KDM4C: variants seen among roughly 807,000 people sequenced by gnomAD.
KDM4C encodes the protein lysine-specific demethylase 4C.
In KDM4C, 81 loss-of-function variants were observed where a neutral mutation model predicts 129.3. The observed-to-expected ratio is 0.63, with a 90% confidence interval of 0.52 to 0.75. The LOEUF (loss-of-function observed/expected upper bound fraction) is 0.75. KDM4C is among the 30% of genes least tolerant of loss of function. KDM4C has a pLI of 0.00. For missense variants in KDM4C, 1,457 were observed against 1,304.0 expected (o/e 1.12, Z -1.81); for synonymous variants, 573 against 456.1 (o/e 1.26, Z -3.26).
intron 1 of KDM4C, among the ~76,000 whole-genome samples, chr9:6,782,800 T>TTTA (rs1824652382): frequency 6.6e-6 from 1 of 152,146 alleles, no homozygotes; most frequent in Non-Finnish European, 1.5e-5. Flanking sequence ...TTGCTTTATG[T>TTTA]TTATATAGAT....
intron 5 of KDM4C, among the ~76,000 whole-genome samples, chr9:6,852,469 A>C (rs1315155968): frequency 6.6e-6 from 1 of 152,170 alleles, no homozygotes; most frequent in African/African-American, 2.4e-5. Flanking sequence ...ACTCATGATC[A>C]GAGTCACAGG....
At chr9:7,116,944 C>T (rs938179541) in intron 18 of KDM4C, among the ~76,000 whole-genome samples, 16 of 152,120 alleles carry the variant, frequency 1.1e-4, no homozygotes, top group Non-Finnish European at 1.5e-4. Context: ...ATAAGAGTTA[C>T]AAAAGTATAA....
chr9:6,757,890 C>T (rs1818528488), upstream of KDM4C: 1 of 985,496 alleles, frequency 1.0e-6, no homozygotes, highest in Non-Finnish European at 1.2e-6. Context: ...TGCCGGGCAC[C>T]TTTAAGCTGT....
upstream of KDM4C, among the ~76,000 whole-genome samples, chr9:6,753,011 C>T (rs1818125681): frequency 6.6e-6 from 1 of 152,268 alleles, no homozygotes; most frequent in Non-Finnish European, 1.5e-5. Flanking sequence ...CAGGGGACCA[C>T]TGAGGAGTCA....
At chr9:6,844,330 T>A (rs1837480719) in intron 4 of KDM4C, among the ~76,000 whole-genome samples, 1 of 152,230 alleles carries the variant, frequency 6.6e-6, no homozygotes, top group Non-Finnish European at 1.5e-5. Context: ...ATTTTGACAA[T>A]AAATGTGACC....
intron 19 of KDM4C, among the ~76,000 whole-genome samples, chr9:7,130,183 G>A (rs899896675): frequency 2.0e-5 from 3 of 152,144 alleles, no homozygotes; most frequent in East Asian, 1.9e-4. Context: ...AAGACCTTTT[G>A]GTGAGGAACA....
intron 8 of KDM4C, among the ~76,000 whole-genome samples, chr9:6,919,568 T>G (rs557107361): frequency 6.6e-6 from 1 of 151,300 alleles, no homozygotes; most frequent in East Asian, 1.9e-4. Context: ...TCTATCTATC[T>G]ATCTATCTAT....
intron 4 of KDM4C, among the ~76,000 whole-genome samples, chr9:6,839,154 A>T (rs1489841975): frequency 6.6e-6 from 1 of 152,214 alleles, no homozygotes; most frequent in Non-Finnish European, 1.5e-5. Context: ...CTTTAAAGAC[A>T]AAGTCTTCTA....
chr9:6,797,281 C>T (rs892234105), intron 2 of KDM4C, among the ~76,000 whole-genome samples: 3 of 152,128 alleles, frequency 2.0e-5, no homozygotes, highest in African/African-American at 4.8e-5. Flanking sequence ...GCCACTGTGC[C>T]TGGCCCGTTA....
intron 17 of KDM4C, among the ~76,000 whole-genome samples, chr9:7,083,229 T>G (rs1337243663): frequency 6.6e-6 from 1 of 152,228 alleles, no homozygotes; most frequent in Non-Finnish European, 1.5e-5. Flanking sequence ...ATACTTGCAT[T>G]ATATACTTAC....
At chr9:6,890,791 A>G (rs533164338) in intron 7 of KDM4C, among the ~76,000 whole-genome samples, 3 of 152,110 alleles carry the variant, frequency 2.0e-5, no homozygotes, top group African/African-American at 7.2e-5. Context: ...GTTTTGTTTC[A>G]TTACGTAGGA....
intron 1 of KDM4C, 30 bp from the exon 2 acceptor site, chr9:6,792,942 G>T (rs1415182037): frequency 1.2e-6 from 2 of 1,610,126 alleles, no homozygotes; most frequent in Non-Finnish European, 1.7e-6. Context: ...TAATAATTCA[G>T]TTCTGTTGAC....
At chr9:6,775,256 ATCAGCCTGCC>A (rs1338240030) in intron 1 of KDM4C, among the ~76,000 whole-genome samples, 1 of 152,026 alleles carries the variant, frequency 6.6e-6, no homozygotes, top group Non-Finnish European at 1.5e-5. Context: ...ACCTCAAGTG[ATCAGCCTGCC>A]TCGGCCTCCC....
rs540798422 is a variant in KDM4C at position 6,903,601 on chromosome 9, C to T, written c.921+10369C>T. On this transcript the variant is annotated intron_variant, in intron 8 of 21. Transcript: ENST00000381309. Reference sequence around the variant, plus strand: ...GTGATTGTTGTAGTGCCAGTTTTATCAGTGAAAATAGAATTGTAACTAAAA... The same window carrying T: ...GTGATTGTTGTAGTGCCAGTTTTATTAGTGAAAATAGAATTGTAACTAAAA... Among the ~76,000 whole-genome samples the T allele has an allele frequency of 6.6e-5, 10 of 152,224 alleles. No homozygotes were observed. In the South Asian group the frequency reaches 2.1e-3, roughly 32 times the overall value.
chr9:7,079,665 C>G lies in KDM4C; in HGVS notation c.2425-24020C>G, dbSNP rs79108949. Among the ~76,000 whole-genome samples, 410 of 152,322 alleles carry G rather than the reference C, an allele frequency of 2.7e-3. 10 individuals are homozygous for G. The highest frequency in any genetic ancestry group is 0.025 in the East Asian group (130 of 5,190). ...AACTACCCTTTACCTCACTTTTCAC[C>G]TCTATAAATGGCACTTACACTCTGC... is the stretch of plus-strand genomic sequence containing the variant. On this transcript the variant is annotated intron_variant, in intron 17 of 21. Transcript: ENST00000381309.
chr9:6,790,654 C>CAAA lies in KDM4C; in HGVS notation c.-17-2292_-17-2290dup, dbSNP rs1186296239. Among the ~76,000 whole-genome samples the CAAA allele has an allele frequency of 1.4e-3, 91 of 65,190 alleles. 1 individual carries two copies. Among genetic ancestry groups the CAAA allele is most frequent in the Middle Eastern group, 0.015 (1 of 66 alleles). 42.8% of individuals were successfully genotyped at this position (65,190 alleles called of 152,430 possible). A position where few individuals can be genotyped will look rare whatever the true frequency, so the allele number is the denominator to read the frequency against. ...TTTCTGTCAGGCAGATTAAATTCAG[C>CAAA]AAAAAAAAAAAAAAAAAAAAAAAAA... On this transcript the variant is annotated intron_variant, in intron 1 of 21. Coordinates refer to ENST00000381309, the MANE Select transcript of KDM4C (RefSeq NM_015061.6).
At chr9:7,026,109 G>A (rs533424747) in intron 15 of KDM4C, among the ~76,000 whole-genome samples, 27 of 152,106 alleles carry the variant, frequency 1.8e-4, no homozygotes, top group East Asian at 1.9e-4. Flanking sequence ...GTGAGGCTGA[G>A]GCAGGAGATC....
At position 7,057,649 on chromosome 9, in the gene KDM4C, A is replaced by G. The variant is rs1405465095; in HGVS notation, c.2424+8449A>G. 2.0e-5 allele frequency among the ~76,000 whole-genome samples: 3 copies of G among 152,182 alleles called. No homozygotes were observed. In the South Asian group the frequency reaches 6.2e-4, roughly 32 times the overall value. ...GTGATTTTTCCCCCTTTATTTTTAT[A>G]ACACTGTTAAGAACATAACTGTATT... On this transcript the variant is annotated intron_variant, in intron 17 of 21. Transcript: ENST00000381309.
chr9:7,145,501 T>C (rs60372149), intron 19 of KDM4C, among the ~76,000 whole-genome samples: 4,457 of 152,142 alleles, frequency 0.029, 211 homozygotes, highest in African/African-American at 0.1. Context: ...TGTGCTCTAT[T>C]TTTCCCCCAA....
Sources: gnomAD v4.1 joint callset for allele counts (sites outside exome capture counted in the v4.1 genomes callset) on GRCh38, gnomAD v4.1.1 for gene constraint, MANE v1.5 for transcripts, NCBI Gene and HGNC (gene_info 2026-07-23, HGNC 2026-07-21) for gene names.